The following TNRC6A variants were observed in gnomAD, a reference collection of about 807,000 sequenced individuals.
TNRC6A encodes trinucleotide repeat containing adaptor 6A, also known as trinucleotide repeat-containing gene 6A protein.
A neutral mutation model predicts 221.2 loss-of-function variants in TNRC6A; 44 were observed. The observed-to-expected ratio is 0.20, with a 90% CI of 0.16 to 0.26. The LOEUF is 0.26. Among genes scored for constraint, TNRC6A ranks in the 10% least tolerant of loss-of-function variants. The pLI, the probability that TNRC6A is intolerant of heterozygous loss-of-function variation, is 1.00. For synonymous variants in TNRC6A, 847 were observed against 838.5 expected (o/e 1.01, Z -0.18); for missense variants, 2,199 against 2,404.4 (o/e 0.91, Z 1.79).
intron 3 of TNRC6A, among the ~76,000 whole-genome samples, chr16:24,756,151 T>A (rs1399138619): frequency 6.6e-6 from 1 of 152,198 alleles, no homozygotes; most frequent in Non-Finnish European, 1.5e-5. Context: ...ATAAAGTATT[T>A]TTAATAAGGC....
intron 1 of TNRC6A, among the ~76,000 whole-genome samples, chr16:24,615,635 C>T (rs1027864855): frequency 1.3e-5 from 2 of 152,166 alleles, no homozygotes; most frequent in Admixed American, 6.5e-5. Flanking sequence ...GTTGCTGAGA[C>T]GCTGAATAAA....
At chr16:24,634,454 A>G (rs1474493422) in intron 1 of TNRC6A, among the ~76,000 whole-genome samples, 2 of 152,136 alleles carry the variant, frequency 1.3e-5, no homozygotes, top group Non-Finnish European at 2.9e-5. Context: ...ATAAATGCAC[A>G]TTGAATATAC....
chr16:24,744,242 T>C (rs1292360132), intron 2 of TNRC6A, among the ~76,000 whole-genome samples: 1 of 152,232 alleles, frequency 6.6e-6, no homozygotes, highest in African/African-American at 2.4e-5. Flanking sequence ...TATCCCATTA[T>C]TGGTGATGGT....
rs184793228 is a variant in TNRC6A at position 24,635,238 on chromosome 16, T to G, written n.277-5646T>G. 1.9e-3 allele frequency among the ~76,000 whole-genome samples: 293 copies of G among 151,796 alleles called. 1 individual carries two copies. Among genetic ancestry groups the G allele is most frequent in the African/African-American group, 6.0e-3 (247 of 41,420 alleles). On this transcript the variant is annotated intron_variant and non_coding_transcript_variant, in intron 1 of 2. Transcript: ENST00000566108. ...GGAACTCTATACCCTTCATCTGGAT[T>G]GTTTTACTTCTTATTCATAAGATTC...
At chr16:24,646,632 A>G (rs960272399) in intron 2 of TNRC6A, among the ~76,000 whole-genome samples, 19 of 152,210 alleles carry the variant, frequency 1.2e-4, no homozygotes, top group African/African-American at 4.6e-4. Context: ...ATAGAAACTA[A>G]TTTTTTCATA....
Position 24,767,200 on chromosome 16 carries a change from A to G in TNRC6A, c.163+8840A>G, listed in dbSNP as rs2057493176. Among the ~76,000 whole-genome samples the G allele has an allele frequency of 2.0e-5, 3 of 152,368 alleles. No individual in the cohort carries two copies. The South Asian group carries it at 6.2e-4, about 32-fold the overall frequency. ...GGCAAGAATATCTAAATTTTGCCTA[A>G]TCCCAGGTGCCCCATTGGGAATACA... On this transcript the variant is annotated intron_variant, in intron 4 of 24. Transcript: ENST00000395799.
Position 24,822,090 on chromosome 16 carries a change from T to C in TNRC6A, c.5316T>C (p.Gly1772=), listed in dbSNP as rs2058776996. ...TTCCTTGTTTAGGTTCCAGCTGGGG[T>C]GAGAGCAGCTCAGGGAGAATAACAA... ...DARYTPGSSW[G]ESSSGRITNW... is the part of the protein sequence containing the mutation. The change falls in exon 23 of 25, where the codon GGT becomes GGC. Residue 1772 remains glycine (G), a synonymous_variant. Coordinates refer to ENST00000395799, the MANE Select transcript of TNRC6A (RefSeq NM_014494.4). 6.2e-7 allele frequency: 1 copy of C among 1,613,970 alleles called. No homozygotes were observed. The highest frequency in any genetic ancestry group is 8.5e-7 in the Non-Finnish European group (1 of 1,179,974).
chr16:24,817,633 A>G (rs986041676), intron 20 of TNRC6A, among the ~76,000 whole-genome samples: 4 of 152,174 alleles, frequency 2.6e-5, no homozygotes, highest in Admixed American at 2.6e-4. Flanking sequence ...TTTGTACCAG[A>G]AGAGTGTTAA....
At chr16:24,680,056 T>C (rs1292296982) in intron 2 of TNRC6A, among the ~76,000 whole-genome samples, 1 of 152,172 alleles carries the variant, frequency 6.6e-6, no homozygotes, top group African/African-American at 2.4e-5. Flanking sequence ...GGTAAACATA[T>C]CACCTGATAG....
intron 2 of TNRC6A, among the ~76,000 whole-genome samples, chr16:24,702,331 C>G (rs1205005175): frequency 6.6e-6 from 1 of 151,838 alleles, no homozygotes; most frequent in Non-Finnish European, 1.5e-5. Flanking sequence ...GCACATGCCA[C>G]CATGCCCAGC....
chr16:24,638,479 G>A (rs868516072), intron 1 of TNRC6A, among the ~76,000 whole-genome samples: 2 of 152,142 alleles, frequency 1.3e-5, no homozygotes, highest in African/African-American at 2.4e-5. Flanking sequence ...TTGGGAGGCC[G>A]AGGCAGGCGG....
At chr16:24,623,579 A>G (rs926720695) in intron 1 of TNRC6A, among the ~76,000 whole-genome samples, 4 of 152,046 alleles carry the variant, frequency 2.6e-5, no homozygotes, top group Admixed American at 1.3e-4. Context: ...ATGAAAACAC[A>G]GGGTCCCTTA....
chr16:24,722,880 G>A (rs1189035505), intron 2 of TNRC6A, among the ~76,000 whole-genome samples: 1 of 152,168 alleles, frequency 6.6e-6, no homozygotes, highest in Non-Finnish European at 1.5e-5. Flanking sequence ...TTAGAGACCA[G>A]ACGAGTTGCT....
chr16:24,695,152 G>T (rs925245640), intron 2 of TNRC6A, among the ~76,000 whole-genome samples: 20 of 152,176 alleles, frequency 1.3e-4, no homozygotes, highest in Admixed American at 7.9e-4. Context: ...CATAATAAAG[G>T]CATTTCTGTT....
intron 2 of TNRC6A, among the ~76,000 whole-genome samples, chr16:24,676,621 A>AT (rs1418795714): frequency 6.6e-6 from 1 of 152,038 alleles, no homozygotes; most frequent in Non-Finnish European, 1.5e-5. Flanking sequence ...CGCTTGGCTA[A>AT]TTTTTTATTT....
chr16:24,713,861 G>A (rs921336791), intron 2 of TNRC6A, among the ~76,000 whole-genome samples: 3 of 152,166 alleles, frequency 2.0e-5, no homozygotes, highest in African/African-American at 7.2e-5. Context: ...GGCCAGGCTG[G>A]TCTTTAATGC....
chr16:24,688,595 G>A (rs1247199446), intron 2 of TNRC6A, among the ~76,000 whole-genome samples: 2 of 152,200 alleles, frequency 1.3e-5, no homozygotes, highest in Non-Finnish European at 2.9e-5. Context: ...TTTTAAGACT[G>A]GGCAATGACC....
rs1301456918 is a variant in TNRC6A, at chr16:24,675,694, CTCTCTCTCTATATATATATATATATA to C, written n.402+34687_402+34712del. ...TCTCTCTCTCTCTCTCTCTCTCTCT[CTCTCTCTCTATATATATATATATATA>C]TATATATATATATATATATATGCAC... is the stretch of plus-strand genomic sequence containing the variant. On this transcript the variant is annotated intron_variant and non_coding_transcript_variant, in intron 2 of 2. Coordinates refer to the TNRC6A transcript ENST00000566108. 2.6e-3 allele frequency among the ~76,000 whole-genome samples: 213 copies of C among 81,096 alleles called. 1 individual carries two copies. Among genetic ancestry groups the C allele is most frequent in the South Asian group, 5.2e-3 (11 of 2,116 alleles). The allele number at this position is 81,096 out of a possible 152,430, so 53.2% of individuals were successfully genotyped here.
rs759186892 is a variant in TNRC6A at position 24,793,479 on chromosome 16, G to A, written c.3182G>A (p.Gly1061Asp). ...TTTCCCACACTTTCTAAAGGCTGGG[G>A]TGAGCCCTGGGGGGAGCCTTCTACT... ...NKEASSGSGW[G>D]EPWGEPSTPA... Residue 1061 changes from glycine to aspartate, a missense_variant, in exon 7 of 25, where the codon GGT becomes GAT. Physicochemically the swap from Gly to Asp is moderately conservative, Grantham distance 94 (BLOSUM62 -1). Around this residue, in one of 8 missense-constraint regions of TNRC6A, gnomAD observed 1,405 missense variants for 1,400.2 expected, o/e 1.00. Transcript: ENST00000395799. 5.5e-5 allele frequency: 80 copies of A among 1,453,462 alleles called. No individual in the cohort carries two copies. The highest frequency in any genetic ancestry group is 6.6e-5 in the Non-Finnish European group (72 of 1,093,530). 90.0% of individuals were successfully genotyped at this position (1,453,462 alleles called of 1,614,324 possible).
Sources: allele counts gnomAD v4.1 joint callset (sites outside exome capture counted in the v4.1 genomes callset), GRCh38; gene constraint gnomAD v4.1.1; regional missense constraint gnomAD v4.1.1; transcripts MANE v1.5; gene names NCBI Gene and HGNC (gene_info 2026-07-23, HGNC 2026-07-21).